Variants in KRT13 observed in about 807,000 individuals in gnomAD.
KRT13 encodes the protein keratin 13, also known as keratin, type I cytoskeletal 13.
A neutral mutation model predicts 40.6 loss-of-function variants in KRT13; 27 were observed. That is an observed-to-expected ratio of 0.67 (90% CI 0.49 to 0.92). The LOEUF (loss-of-function observed/expected upper bound fraction) is 0.92. Ranked by LOEUF, KRT13 falls within the 40% of genes least tolerant of loss-of-function variation. KRT13 has a pLI of 0.00. For synonymous variants in KRT13, 266 were observed against 240.3 expected (o/e 1.11, Z -0.99); for missense variants, 605 against 611.5 (o/e 0.99, Z 0.11).
chr17:41,502,710 C>T lies in KRT13; in HGVS notation c.1000G>A (p.Glu334Lys), dbSNP rs1904900861. 2 of 1,614,158 alleles carry T rather than the reference C, an allele frequency of 1.2e-6. No individual in the cohort carries two copies. The highest frequency in any genetic ancestry group is 1.7e-6 in the Non-Finnish European group (2 of 1,180,054). Residue 334 changes from glutamate to lysine, a missense_variant, in exon 5 of 8, where the codon GAG (glutamate) becomes AAG (lysine). By Grantham distance (56) the Glu-to-Lys change is moderately conservative (BLOSUM62 1). Transcript: ENST00000246635. Reference protein sequence around the residue: ...LRRTLQGLEIELQSQLSMKAG... With the variant: ...LRRTLQGLEIKLQSQLSMKAG... ...ACCATGCTCAGCTGGGACTGCAGCT[C>T]AATCTCCAGGCCTTGGAGCGTGCGC...
chr17:41,502,442 C>T lies in KRT13; in HGVS notation c.1176G>A (p.Leu392=). 1.2e-6 allele frequency: 2 copies of T among 1,614,228 alleles called. No homozygotes were observed. The highest frequency in any genetic ancestry group is 2.2e-5 in the South Asian group (2 of 91,090). The change falls in exon 6 of 8, where the codon CTG becomes CTA. Residue 392 remains leucine, a synonymous_variant. Transcript: ENST00000246635. ...ECQNQEYKML[L]DIKTRLEQEI... ...CCTGCTCCAGACGTGTCTTGATGTC[C>T]AGCAGCATCTTGTACTCTTGGTTCT...
chr17:41,502,242 A>G, intron 6 of KRT13, 132 bp downstream of exon 6: 1 of 1,596,476 alleles, frequency 6.3e-7, no homozygotes, highest in Non-Finnish European at 8.5e-7. Flanking sequence ...TACCAAGGAA[A>G]TGTCCCCGTA....
At chr17:41,504,500 G>C (rs1475757311) in intron 1 of KRT13, 1 of 158,918 alleles carries the variant, frequency 6.3e-6, no homozygotes, top group African/African-American at 2.4e-5. Flanking sequence ...AGCCCAGGCT[G>C]GTAGATTTCT....
chr17:41,503,768 C>T (rs1483255329), intron 1 of KRT13, 43 bp from the exon 2 acceptor site: 3 of 1,516,668 alleles, frequency 2.0e-6, no homozygotes, highest in Non-Finnish European at 2.7e-6. Context: ...CATGGGTGTC[C>T]AGTCTGTTGG....
chr17:41,502,291 G>A lies in KRT13; in HGVS notation c.1244+83C>T, dbSNP rs1904877107. The A allele has an allele frequency of 1.2e-5, 19 of 1,611,778 alleles. No individual in the cohort carries two copies. In the Admixed American group the frequency reaches 2.8e-4, roughly 24 times the overall value. Reference sequence around the variant, plus strand: ...AGGGGTCTCCTCTCTGACATGAGGGGGTGGATCTCTAAGGCCCTGCCTGCT... The same window carrying A: ...AGGGGTCTCCTCTCTGACATGAGGGAGTGGATCTCTAAGGCCCTGCCTGCT... On this transcript the variant is annotated intron_variant, in intron 6 of 7. Transcript: ENST00000246635.
intron 2 of KRT13, 50 bp from the exon 3 acceptor site, chr17:41,503,493 G>T: frequency 1.9e-6 from 3 of 1,599,024 alleles, no homozygotes; most frequent in Non-Finnish European, 2.6e-6. Flanking sequence ...AGACATAAAT[G>T]ATATGAGACA....
At chr17:41,504,789 A>G (rs1905000796) in intron 1 of KRT13, among the ~76,000 whole-genome samples, 1 of 152,186 alleles carries the variant, frequency 6.6e-6, no homozygotes, top group Middle Eastern at 3.2e-3. Flanking sequence ...TCGAGTCATG[A>G]ATAACATAAC....
chr17:41,502,774 GGC>G lies in KRT13; in HGVS notation c.934_935del (p.Ala312HisfsTer22), dbSNP rs1904904485. ...TCTCTGTCTTGCTGGTCTGAATCAT[GGC>G]AGTGTTGGTAGACACCTCCTTGTTC... is the stretch of plus-strand genomic sequence containing the variant. ...ELNKEVSTNT[A>X]MIQTSKTEIT... is the part of the protein sequence containing the mutation. On this transcript the variant is annotated frameshift_variant, in exon 5 of 8. Transcript: ENST00000246635. LOFTEE classifies it high-confidence loss of function. 6.2e-7 allele frequency: 1 copy of G among 1,614,162 alleles called. No individual in the cohort carries two copies. The highest frequency in any genetic ancestry group is 8.5e-7 in the Non-Finnish European group (1 of 1,180,038).
rs140157860 is a variant in KRT13 at position 41,502,804 on chromosome 17, C to T, written c.906G>A (p.Glu302=). Reference sequence around the variant, plus strand: ...TGTTGGTAGACACCTCCTTGTTCAGCTCTGCACTCTGAAATGCAAGCAGGA... The same window carrying T: ...TGTTGGTAGACACCTCCTTGTTCAGTTCTGCACTCTGAAATGCAAGCAGGA... The part of the protein sequence containing the change: ...AEEWFHTKSA[E]LNKEVSTNTA... The change falls in exon 5 of 8, where the codon GAG becomes GAA. Residue 302 remains glutamate, a synonymous_variant. Coordinates refer to ENST00000246635, the MANE Select transcript of KRT13 (RefSeq NM_153490.3). The T allele has an allele frequency of 1.2e-6, 2 of 1,614,162 alleles. No individual in the cohort carries two copies. The highest frequency in any genetic ancestry group is 1.7e-6 in the Non-Finnish European group (2 of 1,180,040).
At chr17:41,503,804 A>T in intron 1 of KRT13, 79 bp from the exon 2 acceptor site, 1 of 1,092,966 alleles carries the variant, frequency 9.1e-7, no homozygotes, top group Non-Finnish European at 1.4e-6. Context: ...TTGGAAGAAG[A>T]ATTGTCTTGG....
intron 1 of KRT13, among the ~76,000 whole-genome samples, 158 bp from the exon 2 acceptor site, chr17:41,503,883 A>G (rs1448923288): frequency 6.6e-6 from 1 of 152,222 alleles, no homozygotes; most frequent in Admixed American, 6.5e-5. Flanking sequence ...AAAATAAAAA[A>G]TAAAAAAAAA....
intron 7 of KRT13, 115 bp from the exon 8 acceptor site, chr17:41,501,477 G>T: frequency 2.8e-6 from 3 of 1,074,694 alleles, no homozygotes; most frequent in Non-Finnish European, 4.2e-6. Context: ...CGTGGATGGA[G>T]ACTCTTTATT....
intron 7 of KRT13, 95 bp from the exon 8 acceptor site, chr17:41,501,457 T>A: frequency 1.8e-6 from 2 of 1,136,234 alleles, no homozygotes; most frequent in South Asian, 1.3e-5. Flanking sequence ...TCCTCATTAG[T>A]CAGGTGGTGC....
rs1904835321 is a variant in KRT13 at position 41,501,233 on chromosome 17, G to A, written c.*23C>T. On this transcript the variant is annotated 3_prime_UTR_variant, in exon 8 of 8. Coordinates refer to ENST00000246635, the MANE Select transcript of KRT13 (RefSeq NM_153490.3). Reference sequence around the variant, plus strand: ...TCTCCTCCTCTGGGTGCTGAAGACAGAGGGAGGGGACGCCAGGCAGATTTA... The same window carrying A: ...TCTCCTCCTCTGGGTGCTGAAGACAAAGGGAGGGGACGCCAGGCAGATTTA... The A allele has an allele frequency of 6.6e-7, 1 of 1,504,794 alleles. No homozygotes were observed. Among genetic ancestry groups the A allele is most frequent in the Admixed American group, 2.0e-5 (1 of 50,792 alleles). The allele number at this position is 1,504,794 out of a possible 1,614,324, so 93.2% of individuals were successfully genotyped here. A position where few individuals can be genotyped will look rare whatever the true frequency, so the allele number is the denominator to read the frequency against.
Position 41,505,185 on chromosome 17 carries a change from C to T in KRT13, c.366G>A (p.Val122=), listed in dbSNP as rs1905018418. ...NDRLASYLEK[V]RALEEANADL... ...CAGCGTTGGCCTCCTCCAGGGCGCG[C>T]ACCTTCTCCAGGTAGGAAGCCAGGC... The change falls in exon 1 of 8, where the codon GTG becomes GTA. Residue 122 remains valine (V), a synonymous_variant. Transcript: ENST00000246635. The T allele has an allele frequency of 8.7e-6, 14 of 1,614,216 alleles. No homozygotes were observed. Among genetic ancestry groups the T allele is most frequent in the Non-Finnish European group, 1.2e-5 (14 of 1,180,038 alleles).
chr17:41,503,395 G>T lies in KRT13; in HGVS notation c.627C>A (p.Asn209Lys), dbSNP rs750061864. 6.2e-7 allele frequency: 1 copy of T among 1,614,236 alleles called. No individual in the cohort carries two copies. The highest frequency in any genetic ancestry group is 1.1e-5 in the South Asian group (1 of 91,092). The change falls in exon 3 of 8, where the codon AAC becomes AAA. Residue 209 changes from asparagine (N) to lysine (K), a missense_variant. Transcript: ENST00000246635. ...GCTCATCCAGCACCCGGCGCAGGCC[G>T]TTGATGTCGGCCTCCACGCTCTGGC... ...ALRQSVEADI[N>K]GLRRVLDELT...
chr17:41,502,544 C>T lies in KRT13; in HGVS notation c.1074G>A (p.Leu358=). The change falls in exon 6 of 8, where the codon CTG becomes CTA. Residue 358 remains leucine (L), a synonymous_variant. Transcript: ENST00000246635. ...TGAGTCCCTGGATCTGCTGCAGCTG[C>T]AGGGCATAGCGGCACTCCGTCTCTG... ...TVAETECRYA[L]QLQQIQGLIS... is the part of the protein sequence containing the mutation. 6.2e-7 allele frequency: 1 copy of T among 1,613,960 alleles called. No homozygotes were observed. Among genetic ancestry groups the T allele is most frequent in the Non-Finnish European group, 8.5e-7 (1 of 1,180,036 alleles).
rs139279979 is a variant in KRT13 at position 41,501,348 on chromosome 17, G to C, written c.1285C>G (p.Arg429Gly). The stretch of plus-strand genomic sequence containing the variant: ...GAAGTCGTGGTAACAGAGGTGCTAC[G>C]GGGGCTGACGCTTCCTGGGAAACAA... ...FPSSAGSVSPRSTSVTTTSSA... is the reference protein window; with the variant it reads ...FPSSAGSVSPGSTSVTTTSSA... Residue 429 changes from arginine to glycine, a missense_variant, in exon 8 of 8, where the codon CGT becomes GGT. Coordinates refer to ENST00000246635, the MANE Select transcript of KRT13 (RefSeq NM_153490.3). 3.2e-6 allele frequency: 5 copies of C among 1,564,816 alleles called. No homozygotes were observed. The highest frequency in any genetic ancestry group is 1.9e-5 in the Admixed American group (1 of 51,726).
Position 41,505,556 on chromosome 17 carries a change from G to C in KRT13, c.-6C>G, listed in dbSNP as rs1477388922. 6.2e-7 allele frequency: 1 copy of C among 1,614,056 alleles called. No homozygotes were observed. Among genetic ancestry groups the C allele is most frequent in the African/African-American group, 1.3e-5 (1 of 74,944 alleles). On this transcript the variant is annotated 5_prime_UTR_variant, in exon 1 of 8. Coordinates refer to ENST00000246635, the MANE Select transcript of KRT13 (RefSeq NM_153490.3). ...CTCTGCAGGCGGAGGCTCATGGTGA[G>C]AGCAGGATTGAGAGCAGGTGCAGAT...
Sources: allele counts gnomAD v4.1 joint callset (sites outside exome capture counted in the v4.1 genomes callset), GRCh38; gene constraint gnomAD v4.1.1; transcripts MANE v1.5; gene names NCBI Gene and HGNC (gene_info 2026-07-23, HGNC 2026-07-21).